GPR132: variants seen among roughly 807,000 people sequenced by gnomAD.
GPR132 encodes the protein probable G protein-coupled receptor 132.
A neutral mutation model predicts 1.9 loss-of-function variants in GPR132; 4 were observed. The ratio of observed to expected loss-of-function variants is 2.13; its 90% CI spans 1.05 to 4.87. The LOEUF (loss-of-function observed/expected upper bound fraction) is 4.87. GPR132 is among the 30% of genes most tolerant of loss of function. GPR132 has a pLI of 0.01. For missense variants in GPR132, 404 were observed against 512.5 expected (o/e 0.79, Z 2.04); for synonymous variants, 233 against 234.2 (o/e 0.99, Z 0.05).
Position 105,050,651 on chromosome 14 carries a change from G to A in GPR132, c.*343C>T, listed in dbSNP as rs1044452869. On this transcript the variant is annotated 3_prime_UTR_variant, in exon 4 of 4. Coordinates refer to ENST00000329797, the MANE Select transcript of GPR132 (RefSeq NM_013345.4). This position sits in a 1 kb window ranked among gnomAD's most constrained non-coding sequence, Gnocchi z 4.0. ...CAAATAAAGTCATCGCCACTGATGCGAACAGGGCAGCCACCAGGTACCTCT... is the reference window on the plus strand; with the variant it reads ...CAAATAAAGTCATCGCCACTGATGCAAACAGGGCAGCCACCAGGTACCTCT... 2.7e-5 allele frequency: 10 copies of A among 376,238 alleles called. No homozygotes were observed. The East Asian group carries it at 3.9e-4, about 15-fold the overall frequency. The allele number at this position is 376,238 out of a possible 1,614,324, so 23.3% of individuals were successfully genotyped here.
chr14:105,054,945 C>T (rs1681116597), intron 3 of GPR132, among the ~76,000 whole-genome samples: 1 of 144,918 alleles, frequency 6.9e-6, no homozygotes, highest in African/African-American at 2.6e-5. Flanking sequence ...GAGGCTGAGG[C>T]AGGAGAATGG....
chr14:105,064,474 C>T (rs552009671), intron 1 of GPR132, among the ~76,000 whole-genome samples: 1 of 152,276 alleles, frequency 6.6e-6, no homozygotes, highest in South Asian at 2.1e-4. Context: ...GCTGGGATTA[C>T]AGACGTGTGC....
chr14:105,059,967 A>T lies in GPR132; in HGVS notation c.-860-2687T>A, dbSNP rs1886897606. On this transcript the variant is annotated intron_variant, in intron 1 of 3. Transcript: ENST00000329797. This position sits in a 1 kb window ranked among gnomAD's most constrained non-coding sequence, Gnocchi z 4.2. ...AGTCAAGAAAGAAACAAGAAAAGCC[A>T]TCTCCAAAGTGATGCCCCCTTGGCG... Among the ~76,000 whole-genome samples, 7 of 152,274 alleles carry T rather than the reference A, an allele frequency of 4.6e-5. No individual in the cohort carries two copies. In the South Asian group the frequency reaches 1.4e-3, roughly 31 times the overall value.
At position 105,051,338 on chromosome 14, in the gene GPR132, C is replaced by A. The variant is rs61737948; in HGVS notation, c.799G>T (p.Ala267Ser). ...PYHLVLLVKA[A>S]AFSYYRGDRN... ...TCTCCTCTGTAGTAGGAAAAGGCAG[C>A]GGCTTTGACGAGGAGAACCAGGTGG... The change falls in exon 4 of 4, where the codon GCT becomes TCT. Residue 267 changes from alanine (A) to serine (S), a missense_variant. By Grantham distance (99) the Ala-to-Ser change is moderately conservative (BLOSUM62 1). Transcript: ENST00000329797. The surrounding 1 kb of genome is among the most constrained non-coding windows in gnomAD (Gnocchi z 8.0). 1.5e-5 allele frequency: 25 copies of A among 1,613,804 alleles called. No homozygotes were observed. In the Middle Eastern group the frequency reaches 4.9e-4, roughly 32 times the overall value.
chr14:105,051,721 T>C lies in GPR132; in HGVS notation c.416A>G (p.Asp139Gly). 6.2e-7 allele frequency: 1 copy of C among 1,613,866 alleles called. No homozygotes were observed. The highest frequency in any genetic ancestry group is 2.2e-5 in the East Asian group (1 of 44,886). ...CGCGTACACCACGGCCACGAAGCGG[T>C]CGCAGGAGATGCAGCACAGGAAGAG... Reference protein sequence around the residue: ...SILFLCCISCDRFVAVVYALE... With the variant: ...SILFLCCISCGRFVAVVYALE... The change falls in exon 4 of 4, where the codon GAC becomes GGC. Residue 139 changes from aspartate to glycine, a missense_variant. By Grantham distance (94) the Asp-to-Gly change is moderately conservative. Coordinates refer to ENST00000329797, the MANE Select transcript of GPR132 (RefSeq NM_013345.4). The surrounding 1 kb of genome is among the most constrained non-coding windows in gnomAD (Gnocchi z 8.0).
chr14:105,062,301 T>G (rs1433697704), intron 1 of GPR132, among the ~76,000 whole-genome samples: 1 of 152,182 alleles, frequency 6.6e-6, no homozygotes, highest in African/African-American at 2.4e-5. Context: ...TGGGCAAATG[T>G]GTCCCTGTCC....
chr14:105,054,126 C>A, intron 3 of GPR132: 1 of 1,287,500 alleles, frequency 7.8e-7, no homozygotes, highest in Non-Finnish European at 1.0e-6. Context: ...GTCCCACCTC[C>A]AGGTCAGCAG....
chr14:105,053,521 T>C (rs370462208), intron 3 of GPR132, among the ~76,000 whole-genome samples: 22 of 152,324 alleles, frequency 1.4e-4, no homozygotes, highest in African/African-American at 4.8e-4. Context: ...AAGATAATTA[T>C]AAGCTCCTGT....
In GPR132 at chr14:105,056,873, G is replaced by A. The variant is rs1412894834; in HGVS notation, c.-747+294C>T. On this transcript the variant is annotated intron_variant, in intron 2 of 3. Coordinates refer to ENST00000329797, the MANE Select transcript of GPR132 (RefSeq NM_013345.4). The surrounding 1 kb of genome is among the most constrained non-coding windows in gnomAD (Gnocchi z 6.0). ...GCTCCTCATGGCCCAGACCGTGCAG[G>A]GCTCCCCTGGGACCTGTGGGACAGC... 1.3e-5 allele frequency among the ~76,000 whole-genome samples: 2 copies of A among 152,228 alleles called. No homozygotes were observed. Among genetic ancestry groups the A allele is most frequent in the South Asian group, 2.1e-4 (1 of 4,836 alleles).
intron 3 of GPR132, among the ~76,000 whole-genome samples, chr14:105,052,812 A>G (rs1886685996): frequency 1.3e-5 from 2 of 151,438 alleles, no homozygotes; most frequent in Non-Finnish European, 1.5e-5. Context: ...TAAAACAAAT[A>G]GTTGGGCGTG....
At chr14:105,063,847 T>G (rs75194669) in intron 1 of GPR132, among the ~76,000 whole-genome samples, 9 of 34,302 alleles carry the variant, frequency 2.6e-4, no homozygotes, top group Non-Finnish European at 1.5e-3. Context: ...CTTTCTTTCT[T>G]TTTTTTTTTG....
intron 1 of GPR132, among the ~76,000 whole-genome samples, chr14:105,062,697 T>A (rs1436075913): frequency 6.6e-6 from 1 of 151,614 alleles, no homozygotes; most frequent in African/African-American, 2.4e-5. Flanking sequence ...CACCACCACG[T>A]CCAGCTACTT....
chr14:105,059,823 T>G lies in GPR132; in HGVS notation c.-860-2543A>C, dbSNP rs951051965. ...AAAATGATTGAGACTTGTCTCGACGTTTTTTAACAACTGGAAAAACAGGAA... is the reference window on the plus strand; with the variant it reads ...AAAATGATTGAGACTTGTCTCGACGGTTTTTAACAACTGGAAAAACAGGAA... On this transcript the variant is annotated intron_variant, in intron 1 of 3. Coordinates refer to ENST00000329797, the MANE Select transcript of GPR132 (RefSeq NM_013345.4). The surrounding 1 kb of genome is among the most constrained non-coding windows in gnomAD (Gnocchi z 4.2). 6.6e-6 allele frequency among the ~76,000 whole-genome samples: 1 copy of G among 152,224 alleles called. No individual in the cohort carries two copies. The highest frequency in any genetic ancestry group is 2.4e-5 in the African/African-American group (1 of 41,464).
In GPR132 at chr14:105,056,630, C is replaced by T. The variant is rs1356312875; in HGVS notation, c.-746-464G>A. Among the ~76,000 whole-genome samples, 1 of 152,236 alleles carries T rather than the reference C, an allele frequency of 6.6e-6. No homozygotes were observed. Among genetic ancestry groups the T allele is most frequent in the Non-Finnish European group, 1.5e-5 (1 of 68,038 alleles). On this transcript the variant is annotated intron_variant, in intron 2 of 3. Transcript: ENST00000329797. This position sits in a 1 kb window ranked among gnomAD's most constrained non-coding sequence, Gnocchi z 6.0. Reference sequence around the variant, plus strand: ...GTCAGGGCCTCGGTGCCCCTCAGTCCCGCACCCCCTGCTCCAGGCCTCACG... The same window carrying T: ...GTCAGGGCCTCGGTGCCCCTCAGTCTCGCACCCCCTGCTCCAGGCCTCACG...
rs143101026 is a variant in GPR132, at chr14:105,051,975, C to T, written c.162G>A (p.Thr54=). 44 of 1,613,154 alleles carry T rather than the reference C, an allele frequency of 2.7e-5. No homozygotes were observed. Among genetic ancestry groups the T allele is most frequent in the Non-Finnish European group, 3.4e-5 (40 of 1,179,954 alleles). The part of the protein sequence containing the change: ...VLVVVYSAVC[T]LGVPANCLTA... ...TCAGGCAGTTGGCCGGCACCCCCAG[C>T]GTGCACACCGCGCTGTACACCACGA... The change falls in exon 4 of 4, where the codon ACG becomes ACA. Residue 54 remains threonine, a synonymous_variant. Coordinates refer to ENST00000329797, the MANE Select transcript of GPR132 (RefSeq NM_013345.4). This position sits in a 1 kb window ranked among gnomAD's most constrained non-coding sequence, Gnocchi z 8.0.
intron 1 of GPR132, among the ~76,000 whole-genome samples, chr14:105,061,531 C>G (rs945042457): frequency 6.6e-6 from 1 of 152,168 alleles, no homozygotes; most frequent in Non-Finnish European, 1.5e-5. Context: ...CGCGGTCTGT[C>G]CTGGCCCGGG....
Position 105,051,059 on chromosome 14 carries a change from A to T in GPR132, c.1078T>A (p.Ser360Thr). The T allele has an allele frequency of 6.2e-7, 1 of 1,614,066 alleles. No homozygotes were observed. The highest frequency in any genetic ancestry group is 8.5e-7 in the Non-Finnish European group (1 of 1,179,980). The change falls in exon 4 of 4, where the codon TCC becomes ACC. Residue 360 changes from serine to threonine, a missense_variant. By Grantham distance (58) the Ser-to-Thr change is moderately conservative. Transcript: ENST00000329797. This position sits in a 1 kb window ranked among gnomAD's most constrained non-coding sequence, Gnocchi z 8.0. ...GACCCTGGTGGGTGCACGGGCCTGG[A>T]GAAGGTGTAGTGGTCTGCAAGGGCC... is the stretch of plus-strand genomic sequence containing the variant. ...PVALADHYTF[S>T]RPVHPPGSPC... is the part of the protein sequence containing the mutation.
At chr14:105,054,869 G>C (rs184141147) in intron 3 of GPR132, among the ~76,000 whole-genome samples, 25 of 150,976 alleles carry the variant, frequency 1.7e-4, no homozygotes, top group African/African-American at 5.8e-4. Context: ...GTGAAAACTC[G>C]TCTCTACTAA....
Position 105,059,374 on chromosome 14 carries a change from C to A in GPR132, c.-860-2094G>T, listed in dbSNP as rs1006182008. ...GGTGGGGCTGCCTGTGTGTTGACATCCCCAGCTGCCCTTTCAAGTATATTT... is the reference window on the plus strand; with the variant it reads ...GGTGGGGCTGCCTGTGTGTTGACATACCCAGCTGCCCTTTCAAGTATATTT... On this transcript the variant is annotated intron_variant, in intron 1 of 3. Transcript: ENST00000329797. The surrounding 1 kb of genome is among the most constrained non-coding windows in gnomAD (Gnocchi z 4.2). Among the ~76,000 whole-genome samples, 2 of 152,206 alleles carry A rather than the reference C, an allele frequency of 1.3e-5. No individual in the cohort carries two copies. The highest frequency in any genetic ancestry group is 4.8e-5 in the African/African-American group (2 of 41,456).
Sources: gnomAD v4.1 joint callset for allele counts (sites outside exome capture counted in the v4.1 genomes callset) on GRCh38, gnomAD v4.1.1 for gene constraint, Gnocchi (gnomAD v3.1) non-coding constraint, MANE v1.5 for transcripts, NCBI Gene and HGNC (gene_info 2026-07-23, HGNC 2026-07-21) for gene names.